The following NDUFAF6 variants were observed in gnomAD, a reference collection of about 807,000 sequenced individuals.
The protein encoded by NDUFAF6 is NADH:ubiquinone oxidoreductase complex assembly factor 6.
NDUFAF6 carries 45 observed loss-of-function variants against 40.8 expected under a neutral mutation model. The ratio of observed to expected loss-of-function variants is 1.10; its 90% confidence interval spans 0.87 to 1.42. The LOEUF (loss-of-function observed/expected upper bound fraction) is 1.42, where lower values mean the gene tolerates loss of function less well. Among genes scored for constraint, NDUFAF6 ranks in the 40% most tolerant of loss-of-function variants. The pLI, the probability that NDUFAF6 is intolerant of heterozygous loss-of-function variation, is 0.00. For synonymous variants in NDUFAF6, 185 were observed against 155.9 expected, an observed-to-expected ratio of 1.19 and a Z score of -1.39; for missense variants, 435 against 418.5, an observed-to-expected ratio of 1.04 and a Z score of -0.34.
intron 7 of NDUFAF6, among the ~76,000 whole-genome samples, chr8:95,051,288 GGA>G (rs1831398612): frequency 6.6e-6 from 1 of 152,138 alleles, no homozygotes; most frequent in Non-Finnish European, 1.5e-5. Context: ...AATGTTCAGA[GGA>G]ATAGAACTGA....
chr8:94,954,528 G>A (rs1414766828), upstream of NDUFAF6, among the ~76,000 whole-genome samples: 1 of 152,212 alleles, frequency 6.6e-6, no homozygotes, highest in African/African-American at 2.4e-5. Context: ...GATAAGCTGG[G>A]TAAAGGGTTA....
chr8:95,064,299 T>G (rs1832647425), intron 9 of NDUFAF6, among the ~76,000 whole-genome samples: 1 of 152,180 alleles, frequency 6.6e-6, no homozygotes, highest in Admixed American at 6.5e-5. Flanking sequence ...TTGTTCCATT[T>G]AAGATGTTAG....
At chr8:94,930,326 T>A in intron 1 of NDUFAF6, 1 of 1,069,808 alleles carries the variant, frequency 9.3e-7, no homozygotes, top group South Asian at 1.6e-5. Context: ...AGCATATAAA[T>A]CTGATTTTCA....
intron 2 of NDUFAF6, among the ~76,000 whole-genome samples, chr8:95,095,242 C>A (rs1212987259): frequency 2.0e-5 from 3 of 152,164 alleles, no homozygotes; most frequent in Admixed American, 2.0e-4. Context: ...GCACAGTGTG[C>A]CTCAGAGCGT....
intron 2 of NDUFAF6, among the ~76,000 whole-genome samples, chr8:95,092,852 G>A (rs1391135764): frequency 4.6e-5 from 7 of 152,164 alleles, no homozygotes; most frequent in African/African-American, 1.7e-4. Flanking sequence ...CCAGGTGCTG[G>A]GATCACAGGC....
chr8:95,055,671 C>A (rs960486300), intron 8 of NDUFAF6, among the ~76,000 whole-genome samples: 5 of 152,040 alleles, frequency 3.3e-5, no homozygotes, highest in African/African-American at 1.2e-4. Flanking sequence ...AGAAAGGGAG[C>A]ATCTGAAAGG....
Position 94,940,383 on chromosome 8 carries a change from A to C in NDUFAF6, c.-935-5100A>C, listed in dbSNP as rs183735247. 5.5e-4 allele frequency among the ~76,000 whole-genome samples: 83 copies of C among 150,932 alleles called. 1 individual carries two copies. In the East Asian group the frequency reaches 0.014, roughly 26 times the overall value. ...GATGCTCACGTATCTTCTTTTATTT[A>C]GTTCAGAAAACCATTTATATTCATC... On this transcript the variant is annotated intron_variant, in intron 1 of 14. Transcript: ENST00000396113.
rs183691421 is a variant in NDUFAF6 at position 94,986,532 on chromosome 8, A to C, written c.-84+5559A>C. ...TTAAACATAAAGAGATATGACTTAAAAATTTTTCATCTGAACTGTCAATTT... is the reference window on the plus strand; with the variant it reads ...TTAAACATAAAGAGATATGACTTAACAATTTTTCATCTGAACTGTCAATTT... On this transcript the variant is annotated intron_variant, in intron 2 of 9. Coordinates refer to the NDUFAF6 transcript ENST00000396111. Among the ~76,000 whole-genome samples the C allele has an allele frequency of 1.8e-4, 27 of 152,342 alleles. No individual in the cohort carries two copies. In the East Asian group the frequency reaches 4.4e-3, roughly 25 times the overall value.
intron 9 of NDUFAF6, among the ~76,000 whole-genome samples, chr8:95,072,236 C>T (rs1461785271): frequency 1.3e-5 from 2 of 152,146 alleles, no homozygotes; most frequent in African/African-American, 2.4e-5. Context: ...GCAGCACCCC[C>T]AGACCTGCCC....
upstream of NDUFAF6, among the ~76,000 whole-genome samples, chr8:95,097,165 T>G (rs1809492220): frequency 6.6e-6 from 1 of 152,236 alleles, no homozygotes; most frequent in Non-Finnish European, 1.5e-5. Flanking sequence ...CAAATGTCCA[T>G]GGGAAATTAC....
chr8:95,064,038 A>ATTTTTTTT (rs1160777112), intron 9 of NDUFAF6, among the ~76,000 whole-genome samples: 28 of 104,806 alleles, frequency 2.7e-4, no homozygotes, highest in Non-Finnish European at 3.5e-4. Flanking sequence ...CGCCTGGCTA[A>ATTTTTTTT]TTTTTTTTTT....
chr8:94,911,652 T>TAA (rs1818787493), intron 1 of NDUFAF6, among the ~76,000 whole-genome samples: 1 of 152,208 alleles, frequency 6.6e-6, no homozygotes, highest in Non-Finnish European at 1.5e-5. Context: ...CAGGGGTTAT[T>TAA]TACCTGGTAC....
chr8:95,046,830 C>A lies in NDUFAF6; in HGVS notation c.581-164C>A, dbSNP rs1830822267. 2.0e-5 allele frequency among the ~76,000 whole-genome samples: 3 copies of A among 152,140 alleles called. No individual in the cohort carries two copies. The South Asian group carries it at 6.2e-4, about 32-fold the overall frequency. Reference sequence around the variant, plus strand: ...TAGATATCTGCTAGTGGTAAATGGTCAACTTGTTATTGTGCCCAGTTTTTC... The same window carrying A: ...TAGATATCTGCTAGTGGTAAATGGTAAACTTGTTATTGTGCCCAGTTTTTC... On this transcript the variant is annotated intron_variant, in intron 5 of 8. Coordinates refer to ENST00000396124, the MANE Select transcript of NDUFAF6 (RefSeq NM_152416.4).
At chr8:94,908,852 A>G (rs1418602327) in intron 1 of NDUFAF6, among the ~76,000 whole-genome samples, 1 of 152,160 alleles carries the variant, frequency 6.6e-6, no homozygotes. Context: ...CTTGAACCCA[A>G]GCCTTGACTC....
intron 2 of NDUFAF6, among the ~76,000 whole-genome samples, chr8:95,002,772 C>A (rs1211547285): frequency 6.6e-6 from 1 of 152,138 alleles, no homozygotes; most frequent in Non-Finnish European, 1.5e-5. Flanking sequence ...TTTGTCGAGA[C>A]CCTGCTGGCT....
intron 2 of NDUFAF6, among the ~76,000 whole-genome samples, chr8:95,082,087 A>G (rs1368870756): frequency 6.6e-6 from 1 of 152,192 alleles, no homozygotes; most frequent in Non-Finnish European, 1.5e-5. Flanking sequence ...AAAAAAAAAA[A>G]AACTCCTGTT....
At chr8:94,896,099 C>G (rs111904972) in intron 1 of NDUFAF6, among the ~76,000 whole-genome samples, 123 of 152,306 alleles carry the variant, frequency 8.1e-4, no homozygotes, top group African/African-American at 2.7e-3. Flanking sequence ...CTTGCTTCCT[C>G]TCTTCTCCAC....
intron 1 of NDUFAF6, among the ~76,000 whole-genome samples, chr8:95,027,203 C>CT (rs1249832871): frequency 6.6e-6 from 1 of 152,110 alleles, no homozygotes; most frequent in Non-Finnish European, 1.5e-5. Flanking sequence ...ACTCTAGTGA[C>CT]TTATTTCAAA....
intron 1 of NDUFAF6, among the ~76,000 whole-genome samples, chr8:95,027,368 T>C: frequency 6.6e-6 from 1 of 151,520 alleles, no homozygotes; most frequent in South Asian, 2.1e-4. Context: ...TGCTTGAGCC[T>C]AAGAGTTCCA....
Sources: allele counts gnomAD v4.1 joint callset (sites outside exome capture counted in the v4.1 genomes callset), GRCh38; gene constraint gnomAD v4.1.1; transcripts MANE v1.5; gene names NCBI Gene and HGNC (gene_info 2026-07-23, HGNC 2026-07-21).